MAEL: variants seen among roughly 807,000 people sequenced by gnomAD.
MAEL encodes the protein protein maelstrom homolog.
Under a neutral mutation model 62.0 loss-of-function variants are expected in MAEL, and 46 were observed. The ratio of observed to expected loss-of-function variants is 0.74; its 90% CI spans 0.59 to 0.95. The LOEUF (loss-of-function observed/expected upper bound fraction) is 0.95, where lower values mean the gene tolerates loss of function less well. Ranked by LOEUF, MAEL falls within the 40% of genes least tolerant of loss-of-function variation. The pLI, the probability that MAEL is intolerant of heterozygous loss-of-function variation, is 0.00. For missense variants in MAEL, 497 were observed against 526.8 expected (o/e 0.94, Z 0.55); for synonymous variants, 172 against 175.5 (o/e 0.98, Z 0.16).
intron 8 of MAEL, among the ~76,000 whole-genome samples, chr1:167,013,400 G>GT (rs1000505298): frequency 1.3e-5 from 2 of 152,180 alleles, no homozygotes; most frequent in African/African-American, 4.8e-5. Context: ...CTCTCAGCCT[G>GT]TAAGTGTTCC....
Position 166,991,453 on chromosome 1 carries a change from G to T in MAEL, c.301G>T (p.Ala101Ser), listed in dbSNP as rs143708432. 1 of 1,611,876 alleles carries T rather than the reference G, an allele frequency of 6.2e-7. No individual in the cohort carries two copies. Among genetic ancestry groups the T allele is most frequent in the Non-Finnish European group, 8.5e-7 (1 of 1,178,144 alleles). ...GAATGTTTCACCTCCAGATATGTCA[G>T]CTTTGTCTTTAAAAGGTGATCAAGG... ...KQNVSPPDMS[A>S]LSLKGDQALL... Residue 101 changes from alanine (A) to serine (S), a missense_variant, in exon 3 of 12, where the codon GCT (alanine) becomes TCT (serine). Transcript: ENST00000367872.
In MAEL at chr1:167,016,251, T is replaced by C. The variant is rs2102127229; in HGVS notation, c.875T>C (p.Leu292Pro). The change falls in exon 9 of 12, where the codon CTC becomes CCC. Residue 292 changes from leucine (L) to proline (P), a missense_variant. Transcript: ENST00000367872. ...RCKWHEENDILFCALAVCKKI... is the reference protein window; with the variant it reads ...RCKWHEENDIPFCALAVCKKI... ...AAGTGGCATGAAGAAAATGATATTC[T>C]CTTCTGTGCTTTAGCTGTTTGCAAG... 6.2e-7 allele frequency: 1 copy of C among 1,613,740 alleles called. No homozygotes were observed. Among genetic ancestry groups the C allele is most frequent in the East Asian group, 2.2e-5 (1 of 44,852 alleles).
At chr1:166,992,536 T>G in intron 3 of MAEL, 150 bp from the exon 4 acceptor site, 1 of 545,690 alleles carries the variant, frequency 1.8e-6, no homozygotes, top group Non-Finnish European at 3.1e-6. Flanking sequence ...GTACGGCTGA[T>G]TGGTTTTCTC....
At chr1:167,008,781 T>C (rs1665039585) in intron 8 of MAEL, among the ~76,000 whole-genome samples, 2 of 152,136 alleles carry the variant, frequency 1.3e-5, no homozygotes, top group Non-Finnish European at 1.5e-5. Context: ...AAATAAATTA[T>C]GTCATTTTAA....
upstream of MAEL, among the ~76,000 whole-genome samples, chr1:166,984,702 G>A (rs181040925): frequency 1.9e-4 from 29 of 152,300 alleles, 1 homozygote; most frequent in East Asian, 4.8e-3. Context: ...ACTAGATACA[G>A]TACAGCAACA....
rs992565546 is a variant in MAEL at position 166,991,461 on chromosome 1, T to C, written c.309T>C (p.Ser103=). ...NVSPPDMSAL[S]LKGDQALLGG... is the part of the protein sequence containing the mutation. ...CACCTCCAGATATGTCAGCTTTGTCTTTAAAAGGTGATCAAGGTAGAGTAA... is the reference window on the plus strand; with the variant it reads ...CACCTCCAGATATGTCAGCTTTGTCCTTAAAAGGTGATCAAGGTAGAGTAA... Residue 103 remains serine, a synonymous_variant, in exon 3 of 12, where the codon TCT becomes TCC. Coordinates refer to ENST00000367872, the MANE Select transcript of MAEL (RefSeq NM_032858.3). 18 of 1,608,716 alleles carry C rather than the reference T, an allele frequency of 1.1e-5. No homozygotes were observed. Among genetic ancestry groups the C allele is most frequent in the Non-Finnish European group, 1.4e-5 (17 of 1,175,392 alleles).
At chr1:166,981,241 T>A (rs1030314707) in intron 1 of MAEL, among the ~76,000 whole-genome samples, 10 of 152,242 alleles carry the variant, frequency 6.6e-5, no homozygotes, top group Admixed American at 6.5e-4. Context: ...AGGTGCCTTT[T>A]ACATAGAGAT....
intron 8 of MAEL, among the ~76,000 whole-genome samples, chr1:167,010,206 C>G (rs1016313537): frequency 3.3e-5 from 5 of 152,150 alleles, no homozygotes; most frequent in Admixed American, 6.6e-5. Flanking sequence ...GTGGCTGCTT[C>G]TCCTTTGCCT....
chr1:166,980,375 G>A (rs866041494), intron 1 of MAEL, among the ~76,000 whole-genome samples: 14 of 152,044 alleles, frequency 9.2e-5, no homozygotes, highest in Admixed American at 2.6e-4. Context: ...AAAAGGTGCT[G>A]GACAAAAGCT....
chr1:166,989,450 C>A lies in MAEL; in HGVS notation c.98C>A (p.Ala33Asp). The change falls in exon 1 of 12, where the codon GCT becomes GAT. Residue 33 changes from alanine (A) to aspartate (D), a missense_variant. By Grantham distance (126) the Ala-to-Asp change is moderately radical. Coordinates refer to ENST00000367872, the MANE Select transcript of MAEL (RefSeq NM_032858.3). The part of the protein sequence containing the change: ...RRRGLPVARV[A>D]DAIPYCSSDW... Reference sequence around the variant, plus strand: ...CGAGGCCTGCCTGTGGCTCGCGTTGCTGATGCCATCCCTTACTGCTCCTCA... The same window carrying A: ...CGAGGCCTGCCTGTGGCTCGCGTTGATGATGCCATCCCTTACTGCTCCTCA... The A allele has an allele frequency of 6.3e-7, 1 of 1,588,812 alleles. No homozygotes were observed. Among genetic ancestry groups the A allele is most frequent in the Non-Finnish European group, 8.6e-7 (1 of 1,168,032 alleles).
At chr1:166,982,256 TAAAC>T (rs1158092334) in intron 1 of MAEL, among the ~76,000 whole-genome samples, 1 of 152,186 alleles carries the variant, frequency 6.6e-6, no homozygotes, top group Non-Finnish European at 1.5e-5. Flanking sequence ...ACATCTAAGA[TAAAC>T]AGATTGGAAT....
rs115039890 is a variant in MAEL at position 167,013,515 on chromosome 1, A to G, written c.846-2707A>G. ...ATAATTTCATAAATCTCTGTGAAGT[A>G]TTTGGTCTTCTTTACCACTCTGCAA... On this transcript the variant is annotated intron_variant, in intron 8 of 11. Transcript: ENST00000367872. 2.9e-3 allele frequency among the ~76,000 whole-genome samples: 446 copies of G among 152,318 alleles called. 3 individuals carry two copies. Among genetic ancestry groups the G allele is most frequent in the Admixed American group, 9.7e-3 (148 of 15,296 alleles).
intron 3 of MAEL, 130 bp from the exon 4 acceptor site, chr1:166,992,556 T>G: frequency 1.7e-6 from 1 of 582,006 alleles, no homozygotes; most frequent in South Asian, 2.8e-5. Flanking sequence ...CTTTTCCAGC[T>G]CATTTAGGAA....
chr1:167,004,844 G>A (rs1664824743), intron 6 of MAEL, among the ~76,000 whole-genome samples: 1 of 152,052 alleles, frequency 6.6e-6, no homozygotes, highest in South Asian at 2.1e-4. Flanking sequence ...TTCTCATAAA[G>A]TATCTTAACA....
chr1:166,989,917 G>T, intron 2 of MAEL, 88 bp downstream of exon 2: 1 of 1,051,542 alleles, frequency 9.5e-7, no homozygotes, highest in Middle Eastern at 2.1e-4. Context: ...GAATGTCAAG[G>T]GTGGACTGCT....
chr1:166,976,233 A>G (rs187712111), intron 1 of MAEL, among the ~76,000 whole-genome samples: 194 of 152,342 alleles, frequency 1.3e-3, no homozygotes, highest in Middle Eastern at 3.4e-3. Flanking sequence ...CACATGGATT[A>G]TTCCTATTTG....
intron 8 of MAEL, among the ~76,000 whole-genome samples, chr1:167,014,707 A>T (rs1304452779): frequency 1.3e-5 from 2 of 152,186 alleles, no homozygotes; most frequent in Non-Finnish European, 2.9e-5. Context: ...CCAATAAAAA[A>T]TGGCCTGAAT....
chr1:166,982,835 G>A (rs1302269423), intron 1 of MAEL, among the ~76,000 whole-genome samples: 1 of 151,954 alleles, frequency 6.6e-6, no homozygotes, highest in Non-Finnish European at 1.5e-5. Flanking sequence ...GACTTACTTT[G>A]CTTTTCCTCA....
chr1:166,994,974 ATTT>A (rs944951589), intron 5 of MAEL, among the ~76,000 whole-genome samples: 2 of 110,174 alleles, frequency 1.8e-5, no homozygotes, highest in Non-Finnish European at 1.9e-5. Context: ...CCACCCAGTA[ATTT>A]TTTTTTTTTT....
Sources: gnomAD v4.1 joint callset for allele counts (sites outside exome capture counted in the v4.1 genomes callset) on GRCh38, gnomAD v4.1.1 for gene constraint, MANE v1.5 for transcripts, NCBI Gene and HGNC (gene_info 2026-07-23, HGNC 2026-07-21) for gene names.